The following OR10G4 variants were observed in gnomAD, a reference collection of about 807,000 sequenced individuals.
OR10G4 encodes olfactory receptor family 10 subfamily G member 4.
For missense variants in OR10G4, 318 were observed against 388.8 expected (o/e 0.82, Z 1.53); for synonymous variants, 130 against 159.3 (o/e 0.82, Z 1.39).
intron 1 of OR10G4, 117 bp from the exon 2 acceptor site, chr11:124,015,431 A>C (rs898253866): frequency 1.0e-6 from 1 of 987,312 alleles, no homozygotes; most frequent in South Asian, 1.7e-5. Flanking sequence ...GCTTTGTAAC[A>C]AGCGAAGTGC....
Position 124,015,554 on chromosome 11 carries a change from A to C in OR10G4, c.-21A>C, listed in dbSNP as rs780590153. On this transcript the variant is annotated 5_prime_UTR_variant, in exon 2 of 2. Transcript: ENST00000641722. ...GTGCTCTTTATATCCCCAGAGGGAG[A>C]GAGACCAAGGGTGAGAAGAAATGTC... 25 of 1,604,618 alleles carry C rather than the reference A, an allele frequency of 1.6e-5. No homozygotes were observed. The South Asian group carries it at 2.6e-4, about 16-fold the overall frequency.
In OR10G4 at chr11:124,017,232, C is replaced by T. The variant is rs970408290; in HGVS notation, c.*722C>T. The T allele has an allele frequency of 1.3e-5, 2 of 152,110 alleles. No homozygotes were observed. Among genetic ancestry groups the T allele is most frequent in the Admixed American group, 1.3e-4 (2 of 15,266 alleles). The allele number at this position is 152,110 out of a possible 1,614,324, so 9.4% of individuals were successfully genotyped here. A position where few individuals can be genotyped will look rare whatever the true frequency, so the allele number is the denominator to read the frequency against. On this transcript the variant is annotated 3_prime_UTR_variant, in exon 2 of 2. Transcript: ENST00000641722. ...ATAGATTACTATCCAGCAATGATAA[C>T]GAATGATCTAACAACTACATATATA... is the stretch of plus-strand genomic sequence containing the variant.
At chr11:124,013,731 A>G (rs1444943857) in intron 1 of OR10G4, among the ~76,000 whole-genome samples, 1 of 152,190 alleles carries the variant, frequency 6.6e-6, no homozygotes, top group African/African-American at 2.4e-5. Flanking sequence ...TAAAAACATC[A>G]TTTCAACCTG....
chr11:124,015,279 T>G (rs2137552705), intron 1 of OR10G4: 1 of 465,572 alleles, frequency 2.1e-6, no homozygotes, highest in East Asian at 3.6e-5. Context: ...GCACTAAGTT[T>G]GTGTTATTTT....
At chr11:124,015,017 A>AT (rs1437561542) in intron 1 of OR10G4, 1 of 156,524 alleles carries the variant, frequency 6.4e-6, no homozygotes, top group Non-Finnish European at 1.4e-5. Flanking sequence ...ATTTTAGGAC[A>AT]TAGGGTGACC....
Position 124,018,248 on chromosome 11 carries a change from A to G in OR10G4, c.*1738A>G, listed in dbSNP as rs1350689395. On this transcript the variant is annotated 3_prime_UTR_variant, in exon 2 of 2. Transcript: ENST00000641722. ...TTAAGTTCTGGCATACATGTGCACA[A>G]CGTGCAGGTTTGTTATGTAGCAATA... is the stretch of plus-strand genomic sequence containing the variant. The G allele has an allele frequency of 6.6e-6, 1 of 152,202 alleles. No homozygotes were observed. The highest frequency in any genetic ancestry group is 1.5e-5 in the Non-Finnish European group (1 of 68,034). 9.4% of individuals were successfully genotyped at this position (152,202 alleles called of 1,614,324 possible). A position where few individuals can be genotyped will look rare whatever the true frequency, so the allele number is the denominator to read the frequency against.
rs867979719 is a variant in OR10G4, at chr11:124,015,968, A to G, written c.394A>G (p.Thr132Ala). The G allele has an allele frequency of 1.2e-6, 2 of 1,613,986 alleles. No homozygotes were observed. The highest frequency in any genetic ancestry group is 2.7e-5 in the African/African-American group (2 of 74,994). ...GGCCATCAGTTACCCGCTCAGGTACACCAGCATGATGAGTGGGAGCAGGTG... is the reference window on the plus strand; with the variant it reads ...GGCCATCAGTTACCCGCTCAGGTACGCCAGCATGATGAGTGGGAGCAGGTG... ...YLAISYPLRY[T>A]SMMSGSRCAL... The change falls in exon 2 of 2, where the codon ACC becomes GCC. Residue 132 changes from threonine to alanine, a missense_variant. Thr to Ala is a moderately conservative substitution (Grantham distance 58). Transcript: ENST00000641722.
In OR10G4 at chr11:124,016,680, C is replaced by T. The variant is rs1591464528; in HGVS notation, c.*170C>T. 1 of 496,888 alleles carries T rather than the reference C, an allele frequency of 2.0e-6. No homozygotes were observed. The highest frequency in any genetic ancestry group is 3.4e-6 in the Non-Finnish European group (1 of 290,310). 30.8% of individuals were successfully genotyped at this position (496,888 alleles called of 1,614,324 possible). On this transcript the variant is annotated 3_prime_UTR_variant, in exon 2 of 2. Coordinates refer to ENST00000641722, the MANE Select transcript of OR10G4 (RefSeq NM_001004462.2). ...AGACAGTTTTAACCTCACAGCTAGA[C>T]TTATATTTATGATGAACATGATTAT...
chr11:124,017,051 A>G lies in OR10G4; in HGVS notation c.*541A>G, dbSNP rs1864027795. ...ACATGACATTTAGCATATTTAACAT[A>G]TAGGTTTTCATATATTTATGTATGT... On this transcript the variant is annotated 3_prime_UTR_variant, in exon 2 of 2. Transcript: ENST00000641722. The G allele has an allele frequency of 6.6e-6, 1 of 152,238 alleles. No homozygotes were observed. The highest frequency in any genetic ancestry group is 1.5e-5 in the Non-Finnish European group (1 of 68,052). 9.4% of individuals were successfully genotyped at this position (152,238 alleles called of 1,614,324 possible).
Position 124,018,234 on chromosome 11 carries a change from CA to C in OR10G4, c.*1725del, listed in dbSNP as rs1831509041. 1 of 152,128 alleles carries C rather than the reference CA, an allele frequency of 6.6e-6. No individual in the cohort carries two copies. The highest frequency in any genetic ancestry group is 1.5e-5 in the Non-Finnish European group (1 of 68,026). The allele number at this position is 152,128 out of a possible 1,614,324, so 9.4% of individuals were successfully genotyped here. A position where few individuals can be genotyped will look rare whatever the true frequency, so the allele number is the denominator to read the frequency against. Reference sequence around the variant, plus strand: ...TTTATTATTATACTTTAAGTTCTGGCATACATGTGCACAACGTGCAGGTTTG... The same window carrying C: ...TTTATTATTATACTTTAAGTTCTGGCTACATGTGCACAACGTGCAGGTTTG... On this transcript the variant is annotated 3_prime_UTR_variant, in exon 2 of 2. Transcript: ENST00000641722.
At chr11:124,014,642 C>T (rs942896102) in intron 1 of OR10G4, among the ~76,000 whole-genome samples, 17 of 152,064 alleles carry the variant, frequency 1.1e-4, no homozygotes, top group African/African-American at 2.2e-4. Context: ...AATTTATCAG[C>T]GAGGTGGGTG....
At chr11:124,013,716 G>T (rs6590035) in intron 1 of OR10G4, among the ~76,000 whole-genome samples, 130,996 of 152,186 alleles carry the variant, frequency 0.86, 56,480 homozygotes, top group Admixed American at 0.89. Context: ...CATTTTGTAT[G>T]CAGTTAAAAA....
chr11:124,015,609 T>C lies in OR10G4; in HGVS notation c.35T>C (p.Leu12Pro). The C allele has an allele frequency of 6.2e-7, 1 of 1,602,262 alleles. No homozygotes were observed. Among genetic ancestry groups the C allele is most frequent in the East Asian group, 2.2e-5 (1 of 44,788 alleles). The stretch of plus-strand genomic sequence containing the variant: ...GCCAGCCTCGTGACAGCATTCATCC[T>C]CACAGGCCTTCCCCATGCCCCAGGG... ...SNASLVTAFI[L>P]TGLPHAPGLD... The change falls in exon 2 of 2, where the codon CTC becomes CCC. Residue 12 changes from leucine (L) to proline (P), a missense_variant. Leu to Pro is a moderately conservative substitution (Grantham distance 98). Transcript: ENST00000641722.
At position 124,018,357 on chromosome 11, in the gene OR10G4, C is replaced by T. The variant is rs1443151815; in HGVS notation, c.*1847C>T. 1 of 149,216 alleles carries T rather than the reference C, an allele frequency of 6.7e-6. No individual in the cohort carries two copies. Among genetic ancestry groups the T allele is most frequent in the African/African-American group, 2.5e-5 (1 of 40,398 alleles). 9.2% of individuals were successfully genotyped at this position (149,216 alleles called of 1,614,324 possible). Reference sequence around the variant, plus strand: ...CTAATGCTATCCCTCCCCCAGCCCCCCACCCCCCAAAAGGCCCCCTTGTGT... The same window carrying T: ...CTAATGCTATCCCTCCCCCAGCCCCTCACCCCCCAAAAGGCCCCCTTGTGT... On this transcript the variant is annotated 3_prime_UTR_variant, in exon 2 of 2. Coordinates refer to ENST00000641722, the MANE Select transcript of OR10G4 (RefSeq NM_001004462.2).
chr11:124,014,451 T>C (rs1863997360), intron 1 of OR10G4, among the ~76,000 whole-genome samples: 2 of 152,180 alleles, frequency 1.3e-5, no homozygotes, highest in Admixed American at 6.5e-5. Context: ...AGTCAGGGAA[T>C]TCCCTGATCC....
intron 1 of OR10G4, chr11:124,015,214 G>T (rs1864004425): frequency 6.3e-6 from 2 of 318,038 alleles, no homozygotes; most frequent in Admixed American, 9.3e-5. Context: ...TCAGCAGAGG[G>T]TCCAGCTGAC....
At chr11:124,014,235 T>C (rs1863996029) in intron 1 of OR10G4, among the ~76,000 whole-genome samples, 1 of 152,004 alleles carries the variant, frequency 6.6e-6, no homozygotes, top group Non-Finnish European at 1.5e-5. Flanking sequence ...AAGCAGGCAA[T>C]AGTAAGGACA....
At chr11:124,015,441 C>G in intron 1 of OR10G4, 107 bp from the exon 2 acceptor site, 1 of 1,078,074 alleles carries the variant, frequency 9.3e-7, no homozygotes. Context: ...AAGCGAAGTG[C>G]AGGATAACTC....
At position 124,017,217 on chromosome 11, in the gene OR10G4, A is replaced by C. The variant is rs185523483; in HGVS notation, c.*707A>C. On this transcript the variant is annotated 3_prime_UTR_variant, in exon 2 of 2. Coordinates refer to ENST00000641722, the MANE Select transcript of OR10G4 (RefSeq NM_001004462.2). Reference sequence around the variant, plus strand: ...TTGTATACTCACAGAATAGATTACTATCCAGCAATGATAACGAATGATCTA... The same window carrying C: ...TTGTATACTCACAGAATAGATTACTCTCCAGCAATGATAACGAATGATCTA... 1.2e-4 allele frequency: 18 copies of C among 152,354 alleles called. No individual in the cohort carries two copies. The highest frequency in any genetic ancestry group is 4.3e-4 in the African/African-American group (18 of 41,596). The allele number at this position is 152,354 out of a possible 1,614,324, so 9.4% of individuals were successfully genotyped here. A position where few individuals can be genotyped will look rare whatever the true frequency, so the allele number is the denominator to read the frequency against.
Sources: allele counts gnomAD v4.1 joint callset (sites outside exome capture counted in the v4.1 genomes callset), GRCh38; gene constraint gnomAD v4.1.1; transcripts MANE v1.5; gene names NCBI Gene and HGNC (gene_info 2026-07-23, HGNC 2026-07-21).